The following ARX variants were observed in gnomAD, a reference collection of about 807,000 sequenced individuals.
ARX encodes aristaless related homeobox.
In ARX, 1 loss-of-function variant was observed where a neutral mutation model predicts 23.1. That is an observed-to-expected ratio of 0.04 (90% CI 0.02 to 0.21). The LOEUF (loss-of-function observed/expected upper bound fraction) is 0.21. Among genes scored for constraint, ARX ranks in the 10% least tolerant of loss-of-function variants. The pLI, the probability that ARX is intolerant of heterozygous loss-of-function variation, is 1.00. For missense variants in ARX, 380 were observed against 527.5 expected (o/e 0.72, Z 2.74); for synonymous variants, 301 against 270.1 (o/e 1.11, Z -1.12).
rs1478382149 is a variant in ARX, at chrX:25,007,301, G to A, written c.1258C>T (p.Pro420Ser). 8.9e-7 allele frequency: 1 copy of A among 1,124,352 alleles called. No individual in the cohort carries two copies. Among genetic ancestry groups the A allele is most frequent in the Admixed American group, 2.9e-5 (1 of 34,134 alleles). The allele number at this position is 1,124,352 out of a possible 1,213,427, so 92.7% of individuals were successfully genotyped here. The change falls in exon 4 of 5, where the codon CCT (proline) becomes TCT (serine). Residue 420 changes from proline to serine, a missense_variant. Physicochemically the swap from Pro to Ser is moderately conservative, Grantham distance 74. Around this residue, in one of 3 missense-constraint regions of ARX, gnomAD observed 121 missense variants for 169.7 expected, o/e 0.71. Transcript: ENST00000379044. The stretch of plus-strand genomic sequence containing the variant: ...GAGTCGAGCGCCGGGTGGTGCGGAG[G>A]GAAGGGGCTGGCGTCCAGGTAGGGG... ...LSPYLDASPF[P>S]PHHPALDSAW...
Position 25,015,805 on chromosome X carries a change from T to C in ARX, c.-68A>G, listed in dbSNP as rs1395380129. On this transcript the variant is annotated 5_prime_UTR_variant, in exon 1 of 5. Coordinates refer to ENST00000379044, the MANE Select transcript of ARX (RefSeq NM_139058.3). ...TGCCTCTCCCGGAGGGTGGGATGGA[T>C]GGGTGTGTGTTGGGGGTGGGGTTAG... 6.6e-6 allele frequency: 7 copies of C among 1,056,179 alleles called. No homozygotes were observed. The highest frequency in any genetic ancestry group is 3.9e-6 in the Non-Finnish European group (3 of 771,701). 87.0% of individuals were successfully genotyped at this position (1,056,179 alleles called of 1,213,427 possible).
At chrX:25,010,193 C>CCAAAA in intron 3 of ARX, 67 bp downstream of exon 3, 2 of 1,104,482 alleles carry the variant, frequency 1.8e-6, no homozygotes, top group Non-Finnish European at 2.5e-6. Flanking sequence ...CGCCACCAAC[C>CCAAAA]CATCTCTCTC....
chrX:25,015,916 G>A lies in ARX; in HGVS notation c.-179C>T. 1.9e-6 allele frequency: 1 copy of A among 519,892 alleles called. No homozygotes were observed. Among genetic ancestry groups the A allele is most frequent in the Non-Finnish European group, 3.3e-6 (1 of 306,866 alleles). The allele number at this position is 519,892 out of a possible 1,213,427, so 42.8% of individuals were successfully genotyped here. ...GGCTGCCGGCTCCCGCCCTGCCCGC[G>A]GCCCGAGCTCGCCCTCTCCGCGCTC... On this transcript the variant is annotated 5_prime_UTR_variant, in exon 1 of 5. Transcript: ENST00000379044.
chrX:25,015,438 C>T (rs2048722568), intron 1 of ARX, 104 bp downstream of exon 1: 2 of 1,016,551 alleles, frequency 2.0e-6, no homozygotes, highest in Non-Finnish European at 2.7e-6. Context: ...CCCTCTCCTT[C>T]CTTCCTCTCC....
chrX:25,015,604 C>A lies in ARX; in HGVS notation c.134G>T (p.Gly45Val). 8.3e-7 allele frequency: 1 copy of A among 1,210,486 alleles called. No individual in the cohort carries two copies. The highest frequency in any genetic ancestry group is 1.1e-6 in the Non-Finnish European group (1 of 894,848). ...CGGAGCAGGCAAGCTCTGCGCGGCTCCCAGCAACCGCATTTTGCACGGGCT... is the reference window on the plus strand; with the variant it reads ...CGGAGCAGGCAAGCTCTGCGCGGCTACCAGCAACCGCATTTTGCACGGGCT... ...RRSPCKMRLL[G>V]AAQSLPAPLT... The change falls in exon 1 of 5, where the codon GGA becomes GTA. Residue 45 changes from glycine (G) to valine (V), a missense_variant. By Grantham distance (109) the Gly-to-Val change is moderately radical (BLOSUM62 -3). Coordinates refer to ENST00000379044, the MANE Select transcript of ARX (RefSeq NM_139058.3).
Position 25,004,547 on chromosome X carries a change from G to T in ARX, c.*123C>A, listed in dbSNP as rs1303464254. On this transcript the variant is annotated 3_prime_UTR_variant, in exon 5 of 5. Coordinates refer to ENST00000379044, the MANE Select transcript of ARX (RefSeq NM_139058.3). ...CCCGCATCCAGACTGCTGTGAAGGC[G>T]GCTGCGCTCTCTCAGTGCCGTCTCG... 5 of 1,101,017 alleles carry T rather than the reference G, an allele frequency of 4.5e-6. No homozygotes were observed. In the African/African-American group the frequency reaches 9.2e-5, roughly 20 times the overall value. 90.7% of individuals were successfully genotyped at this position (1,101,017 alleles called of 1,213,427 possible). A position where few individuals can be genotyped will look rare whatever the true frequency, so the allele number is the denominator to read the frequency against.
intron 2 of ARX, among the ~76,000 whole-genome samples, chrX:25,012,224 A>G (rs1326425757): frequency 8.9e-6 from 1 of 112,783 alleles, no homozygotes; most frequent in Non-Finnish European, 1.9e-5. Context: ...GGTGGGTTTA[A>G]TATGTGTGTC....
Position 25,004,869 on chromosome X carries a change from G to A in ARX, c.1490C>T (p.Ala497Val). ...TGTGGGCTGTCTCAGGAGCGCGGCCGCGGTCGACGCGCTGGTCAGGGGGGC... is the reference window on the plus strand; with the variant it reads ...TGTGGGCTGTCTCAGGAGCGCGGCCACGGTCGACGCGCTGGTCAGGGGGGC... The part of the protein sequence containing the change: ...TMAPLTSAST[A>V]AALLRQPTPA... The change falls in exon 5 of 5, where the codon GCG becomes GTG. Residue 497 changes from alanine (A) to valine (V), a missense_variant. Coordinates refer to ENST00000379044, the MANE Select transcript of ARX (RefSeq NM_139058.3). The A allele has an allele frequency of 8.7e-7, 1 of 1,147,809 alleles. No homozygotes were observed. The highest frequency in any genetic ancestry group is 1.2e-6 in the Non-Finnish European group (1 of 866,491). 94.6% of individuals were successfully genotyped at this position (1,147,809 alleles called of 1,213,427 possible). A position where few individuals can be genotyped will look rare whatever the true frequency, so the allele number is the denominator to read the frequency against.
chrX:25,014,882 T>A (rs1364230131), intron 1 of ARX, among the ~76,000 whole-genome samples: 2 of 111,980 alleles, frequency 1.8e-5, no homozygotes, highest in African/African-American at 6.5e-5. Flanking sequence ...ACATTTGTTC[T>A]GGAATTTTTA....
chrX:25,007,242 G>A lies in ARX; in HGVS notation c.1317C>T (p.Ala439=). The A allele has an allele frequency of 8.9e-7, 1 of 1,117,747 alleles. No individual in the cohort carries two copies. The allele number at this position is 1,117,747 out of a possible 1,213,427, so 92.1% of individuals were successfully genotyped here. The part of the protein sequence containing the change: ...AWTAAAAAAA[A]AFPSLPPPPG... ...GAGGCGGAGGTAGGCTCGGGAAGGCGGCGGCGGCGGCGGCGGCAGCGGCAG... is the reference window on the plus strand; with the variant it reads ...GAGGCGGAGGTAGGCTCGGGAAGGCAGCGGCGGCGGCGGCGGCAGCGGCAG... The change falls in exon 4 of 5, where the codon GCC becomes GCT. Residue 439 remains alanine (A), a synonymous_variant. Coordinates refer to ENST00000379044, the MANE Select transcript of ARX (RefSeq NM_139058.3).
rs928909006 is a variant in ARX at position 25,010,135 on chromosome X, C to T, written c.1119+125G>A. 16 of 778,400 alleles carry T rather than the reference C, an allele frequency of 2.1e-5. 1 individual carries two copies. The highest frequency in any genetic ancestry group is 1.1e-4 in the Admixed American group (4 of 38,028). 64.1% of individuals were successfully genotyped at this position (778,400 alleles called of 1,213,427 possible). A position where few individuals can be genotyped will look rare whatever the true frequency, so the allele number is the denominator to read the frequency against. ...GAGTGCTTGGGTCTACTTTTCTGAT[C>T]CTGCTTCTCTTGGTTTTGTGAAGGG... On this transcript the variant is annotated intron_variant, in intron 3 of 4. Transcript: ENST00000379044.
chrX:25,012,515 T>C (rs1236476414), intron 2 of ARX, among the ~76,000 whole-genome samples: 3 of 112,827 alleles, frequency 2.7e-5, no homozygotes, highest in Non-Finnish European at 5.6e-5. Flanking sequence ...CGGACAGCGC[T>C]TCCTGAGCCT....
rs2048666953 is a variant in ARX at position 25,004,280 on chromosome X, A to T, written c.*390T>A. 1.4e-5 allele frequency: 2 copies of T among 147,121 alleles called. No individual in the cohort carries two copies. The highest frequency in any genetic ancestry group is 1.9e-4 in the South Asian group (1 of 5,132). The allele number at this position is 147,121 out of a possible 1,213,427, so 12.1% of individuals were successfully genotyped here. On this transcript the variant is annotated 3_prime_UTR_variant, in exon 5 of 5. Coordinates refer to ENST00000379044, the MANE Select transcript of ARX (RefSeq NM_139058.3). ...CTATTTAAAAAAAAAAAAGAAAGAA[A>T]GAAAGAAAGAAAAGAAAGGCTAAGT...
In ARX at chrX:25,003,899, C is replaced by T. The variant is rs896797317; in HGVS notation, c.*771G>A. The T allele has an allele frequency of 1.8e-5, 2 of 110,614 alleles. No homozygotes were observed. The highest frequency in any genetic ancestry group is 3.8e-5 in the Non-Finnish European group (2 of 52,934). The allele number at this position is 110,614 out of a possible 1,213,427, so 9.1% of individuals were successfully genotyped here. On this transcript the variant is annotated 3_prime_UTR_variant, in exon 5 of 5. Transcript: ENST00000379044. Reference sequence around the variant, plus strand: ...TAGGAACCCTACCGTATCTACAACACAGTAAGAATCTACGGGAGGACAAAC... The same window carrying T: ...TAGGAACCCTACCGTATCTACAACATAGTAAGAATCTACGGGAGGACAAAC...
rs771903860 is a variant in ARX at position 25,004,632 on chromosome X, TCGGGGCGCGCG to T, written c.*27_*37del. 85 of 1,162,649 alleles carry T rather than the reference TCGGGGCGCGCG, an allele frequency of 7.3e-5. No homozygotes were observed. Among genetic ancestry groups the T allele is most frequent in the East Asian group, 5.5e-4 (17 of 30,674 alleles). ...GAGTGGTGCTGAGTGAGGTGACCTTTCGGGGCGCGCGCGGGGCGCGGGTGTGGAGGGCAGCC... is the reference window on the plus strand; with the variant it reads ...GAGTGGTGCTGAGTGAGGTGACCTTTCGGGGCGCGGGTGTGGAGGGCAGCC... On this transcript the variant is annotated 3_prime_UTR_variant, in exon 5 of 5. Coordinates refer to ENST00000379044, the MANE Select transcript of ARX (RefSeq NM_139058.3).
chrX:25,005,479 C>T (rs973859238), intron 4 of ARX, among the ~76,000 whole-genome samples: 1 of 112,678 alleles, frequency 8.9e-6, no homozygotes, highest in Non-Finnish European at 1.9e-5. Flanking sequence ...CGCCGGCCTC[C>T]CGGGCCACCC....
chrX:25,015,586 G>C lies in ARX; in HGVS notation c.152C>G (p.Pro51Arg), dbSNP rs990387676. ...GTCGGCGCGGCTGGTCAGCGGAGCA[G>C]GCAAGCTCTGCGCGGCTCCCAGCAA... ...MRLLGAAQSL[P>R]APLTSRADPE... is the part of the protein sequence containing the mutation. The change falls in exon 1 of 5, where the codon CCT (proline) becomes CGT (arginine). Residue 51 changes from proline (P) to arginine (R), a missense_variant. By Grantham distance (103) the Pro-to-Arg change is moderately radical. Transcript: ENST00000379044. The C allele has an allele frequency of 5.0e-6, 6 of 1,210,750 alleles. No individual in the cohort carries two copies. Among genetic ancestry groups the C allele is most frequent in the Non-Finnish European group, 6.7e-6 (6 of 894,979 alleles).
rs990653917 is a variant in ARX, at chrX:25,007,263, G to A, written c.1296C>T (p.Ala432=). 15 of 1,116,201 alleles carry A rather than the reference G, an allele frequency of 1.3e-5. No homozygotes were observed. The highest frequency in any genetic ancestry group is 2.6e-4 in the Middle Eastern group (1 of 3,779). The allele number at this position is 1,116,201 out of a possible 1,213,427, so 92.0% of individuals were successfully genotyped here. A position where few individuals can be genotyped will look rare whatever the true frequency, so the allele number is the denominator to read the frequency against. The stretch of plus-strand genomic sequence containing the variant: ...AGGCGGCGGCGGCGGCGGCGGCAGC[G>A]GCAGTCCAAGCGGAGTCGAGCGCCG... The part of the protein sequence containing the change: ...HHPALDSAWT[A]AAAAAAAAFP... Residue 432 remains alanine (A), a synonymous_variant, in exon 4 of 5, where the codon GCC becomes GCT. Coordinates refer to ENST00000379044, the MANE Select transcript of ARX (RefSeq NM_139058.3).
intron 3 of ARX, among the ~76,000 whole-genome samples, chrX:25,008,965 G>A (rs185426145): frequency 1.2e-3 from 130 of 112,388 alleles, no homozygotes; most frequent in Non-Finnish European, 1.1e-3. Context: ...GAAACCCAGA[G>A]GCTTGAAAAA....
Sources: gnomAD v4.1 joint callset for allele counts (sites outside exome capture counted in the v4.1 genomes callset) on GRCh38, gnomAD v4.1.1 for gene constraint, gnomAD v4.1.1 regional missense constraint, MANE v1.5 for transcripts, NCBI Gene and HGNC (gene_info 2026-07-23, HGNC 2026-07-21) for gene names.